IL1R1: variants seen among roughly 807,000 people sequenced by gnomAD.
The protein encoded by IL1R1 is interleukin 1 receptor type 1.
IL1R1 carries 22 observed loss-of-function variants against 50.2 expected under a neutral mutation model. The observed-to-expected ratio is 0.44, with a 90% CI of 0.31 to 0.63. IL1R1 has a LOEUF of 0.63. Among genes scored for constraint, IL1R1 ranks in the 20% least tolerant of loss-of-function variants. The pLI, the probability that IL1R1 is intolerant of heterozygous loss-of-function variation, is 0.07. For synonymous variants in IL1R1, 251 were observed against 236.7 expected (o/e 1.06, Z -0.55); for missense variants, 509 against 676.2 (o/e 0.75, Z 2.74).
intron 1 of IL1R1, among the ~76,000 whole-genome samples, chr2:102,098,521 T>C (rs1170246010): frequency 1.3e-5 from 2 of 152,192 alleles, no homozygotes; most frequent in African/African-American, 4.8e-5. Context: ...CTTTTTACTG[T>C]TGAGAAGCTG....
intron 1 of IL1R1, among the ~76,000 whole-genome samples, chr2:102,109,488 C>T (rs1016229216): frequency 6.6e-6 from 1 of 152,194 alleles, no homozygotes; most frequent in African/African-American, 2.4e-5. Context: ...CTTCTGAGTC[C>T]ATGTGCCACA....
intron 1 of IL1R1, among the ~76,000 whole-genome samples, chr2:102,074,661 C>T (rs779715158): frequency 2.6e-5 from 4 of 152,266 alleles, no homozygotes; most frequent in Middle Eastern, 3.4e-3. Flanking sequence ...ATTTGCAGGC[C>T]GTTTAAATCC....
chr2:102,155,173 G>A (rs1351679219), intron 2 of IL1R1, among the ~76,000 whole-genome samples: 2 of 152,238 alleles, frequency 1.3e-5, no homozygotes, highest in African/African-American at 2.4e-5. Context: ...ACTGTTATTT[G>A]TCATCAGAGC....
chr2:102,079,600 CAATT>C (rs1679120115), intron 1 of IL1R1, among the ~76,000 whole-genome samples: 1 of 152,002 alleles, frequency 6.6e-6, no homozygotes, highest in African/African-American at 2.4e-5. Flanking sequence ...TAAAATCGCT[CAATT>C]AATTGAAAGA....
intron 1 of IL1R1, among the ~76,000 whole-genome samples, chr2:102,095,995 C>G (rs1053541535): frequency 2.6e-5 from 4 of 152,094 alleles, no homozygotes; most frequent in African/African-American, 4.8e-5. Context: ...TAGCCAGACT[C>G]TGTCTCAAAA....
chr2:102,115,622 G>T (rs1380074351), intron 1 of IL1R1, among the ~76,000 whole-genome samples: 3 of 152,150 alleles, frequency 2.0e-5, no homozygotes, highest in African/African-American at 7.2e-5. Flanking sequence ...GGGAGAGATA[G>T]TTGCCTGTTT....
At chr2:102,077,164 G>T (rs2104278650) in intron 1 of IL1R1, among the ~76,000 whole-genome samples, 1 of 152,162 alleles carries the variant, frequency 6.6e-6, no homozygotes, top group South Asian at 2.1e-4. Context: ...TCCACCTCCT[G>T]GATTCAAGCA....
chr2:102,075,144 G>A (rs1678906073), intron 1 of IL1R1, among the ~76,000 whole-genome samples: 1 of 152,164 alleles, frequency 6.6e-6, no homozygotes, highest in Admixed American at 6.5e-5. Context: ...GGATTGGCAA[G>A]TAAAACAAGT....
chr2:102,079,200 T>A (rs1679105152), intron 1 of IL1R1, among the ~76,000 whole-genome samples: 1 of 152,120 alleles, frequency 6.6e-6, no homozygotes, highest in Admixed American at 6.5e-5. Context: ...CCCTCTGTGA[T>A]CAGGAAGAAG....
intron 1 of IL1R1, among the ~76,000 whole-genome samples, chr2:102,097,429 G>A (rs367773594): frequency 6.6e-6 from 1 of 152,020 alleles, no homozygotes; most frequent in Non-Finnish European, 1.5e-5. Flanking sequence ...TGGTCTATTT[G>A]TATATCCTTG....
chr2:102,131,049 G>T (rs567075846), intron 1 of IL1R1, among the ~76,000 whole-genome samples: 40 of 152,204 alleles, frequency 2.6e-4, no homozygotes, highest in African/African-American at 2.9e-4. Context: ...CAGAAAAAGC[G>T]CCTCCCTAAA....
chr2:102,095,732 C>T (rs1427849196), intron 1 of IL1R1, among the ~76,000 whole-genome samples: 7 of 152,188 alleles, frequency 4.6e-5, no homozygotes, highest in East Asian at 1.9e-4. Context: ...AGGCCGGGCA[C>T]GGTGGCTCAC....
chr2:102,172,976 A>C, intron 9 of IL1R1, 138 bp downstream of exon 9: 2 of 600,928 alleles, frequency 3.3e-6, no homozygotes, highest in South Asian at 2.3e-5. Context: ...TTTCTCTTTT[A>C]CTCTTCTGCT....
chr2:102,139,845 G>A (rs1364289782), upstream of IL1R1, among the ~76,000 whole-genome samples: 1 of 152,220 alleles, frequency 6.6e-6, no homozygotes, highest in African/African-American at 2.4e-5. Flanking sequence ...ACAGAACCAT[G>A]AGAGAATTAA....
intron 1 of IL1R1, among the ~76,000 whole-genome samples, chr2:102,078,707 G>A (rs553220998): frequency 6.6e-6 from 1 of 151,990 alleles, no homozygotes; most frequent in East Asian, 1.9e-4. Context: ...ATTTCAAAAA[G>A]TTGAAAAGGA....
At chr2:102,148,162 G>T (rs2104472126) in intron 1 of IL1R1, among the ~76,000 whole-genome samples, 1 of 152,258 alleles carries the variant, frequency 6.6e-6, no homozygotes. Context: ...ATAGAGCGTG[G>T]GTGACTAATC....
At chr2:102,108,859 C>T (rs1306366350) in intron 1 of IL1R1, among the ~76,000 whole-genome samples, 1 of 151,532 alleles carries the variant, frequency 6.6e-6, no homozygotes, top group South Asian at 2.1e-4. Context: ...AAGGAGGCAT[C>T]GATTTTCACT....
chr2:102,153,358 G>A (rs994220471), intron 1 of IL1R1, among the ~76,000 whole-genome samples: 2 of 152,294 alleles, frequency 1.3e-5, no homozygotes, highest in African/African-American at 2.4e-5. Flanking sequence ...ATAGCTTGTG[G>A]TTGTCAAGCT....
At position 102,179,264 on chromosome 2, in the gene IL1R1, CAG is replaced by C. The variant is rs1686388820; in HGVS notation, c.*2510_*2511del. On this transcript the variant is annotated 3_prime_UTR_variant, in exon 12 of 12. Transcript: ENST00000410023. Reference sequence around the variant, plus strand: ...AACTTAGGTTAGTGACAAAATTGGCCAGAGAGTGGGGGTGATGATGACCAAGA... The same window carrying C: ...AACTTAGGTTAGTGACAAAATTGGCCAGAGTGGGGGTGATGATGACCAAGA... 2 of 152,182 alleles carry C rather than the reference CAG, an allele frequency of 1.3e-5. No homozygotes were observed. The highest frequency in any genetic ancestry group is 1.3e-4 in the Admixed American group (2 of 15,250). The allele number at this position is 152,182 out of a possible 1,614,324, so 9.4% of individuals were successfully genotyped here.
Sources: allele counts gnomAD v4.1 joint callset (sites outside exome capture counted in the v4.1 genomes callset), GRCh38; gene constraint gnomAD v4.1.1; transcripts MANE v1.5; gene names NCBI Gene and HGNC (gene_info 2026-07-23, HGNC 2026-07-21).